Variants in KIRREL3 observed in about 807,000 individuals in gnomAD.
KIRREL3 encodes the protein kirre like nephrin family adhesion molecule 3.
Under a neutral mutation model 89.7 loss-of-function variants are expected in KIRREL3, and 36 were observed. The observed-to-expected ratio is 0.40, with a 90% CI of 0.31 to 0.53. KIRREL3 has a LOEUF of 0.53. Among genes scored for constraint, KIRREL3 ranks in the 20% least tolerant of loss-of-function variants. The pLI is 0.49. For missense variants in KIRREL3, 864 were observed against 1,056.6 expected (o/e 0.82, Z 2.53); for synonymous variants, 445 against 441.4 (o/e 1.01, Z -0.10).
rs1032239463 is a variant in KIRREL3 at position 126,965,202 on chromosome 11, C to A, written c.55+35253G>T. Among the ~76,000 whole-genome samples, 4 of 152,188 alleles carry A rather than the reference C, an allele frequency of 2.6e-5. No homozygotes were observed. Among genetic ancestry groups the A allele is most frequent in the Non-Finnish European group, 5.9e-5 (4 of 68,022 alleles). ...ACAGAACAGTGTCTTAATTAACATT[C>A]CTGGTCAAATTAATAAGTCCACTTG... On this transcript the variant is annotated intron_variant, in intron 1 of 16. Transcript: ENST00000525144. The surrounding 1 kb of genome is among the most constrained non-coding windows in gnomAD (Gnocchi z 4.4).
chr11:126,838,192 C>T (rs1943843874), intron 1 of KIRREL3, among the ~76,000 whole-genome samples: 1 of 152,160 alleles, frequency 6.6e-6, no homozygotes, highest in Non-Finnish European at 1.5e-5. Context: ...AATCAATGTG[C>T]AGAAGCAATT....
At position 126,570,039 on chromosome 11, in the gene KIRREL3, C is replaced by A. The variant is rs576403946; in HGVS notation, c.56-7127G>T. 6.6e-6 allele frequency among the ~76,000 whole-genome samples: 1 copy of A among 152,140 alleles called. No homozygotes were observed. Among genetic ancestry groups the A allele is most frequent in the Non-Finnish European group, 1.5e-5 (1 of 68,026 alleles). On this transcript the variant is annotated intron_variant, in intron 1 of 16. Transcript: ENST00000525144. This position sits in a 1 kb window ranked among gnomAD's most constrained non-coding sequence, Gnocchi z 6.1. The stretch of plus-strand genomic sequence containing the variant: ...GCAAAGATCATAATTTTCTGATCAA[C>A]CTCTATCATAAAGAGGACTGAAGAG...
Position 126,535,851 on chromosome 11 carries a change from G to C in KIRREL3, c.134-9164C>G, listed in dbSNP as rs1937817632. Reference sequence around the variant, plus strand: ...AATACAAAAATTAGCGGGACATGGTGGTGCGTGCCTGTAATCCCAGCTACT... The same window carrying C: ...AATACAAAAATTAGCGGGACATGGTCGTGCGTGCCTGTAATCCCAGCTACT... On this transcript the variant is annotated intron_variant, in intron 2 of 16. Transcript: ENST00000525144. The surrounding 1 kb of genome is among the most constrained non-coding windows in gnomAD (Gnocchi z 4.5). 6.6e-6 allele frequency among the ~76,000 whole-genome samples: 1 copy of C among 152,204 alleles called. No individual in the cohort carries two copies. Among genetic ancestry groups the C allele is most frequent in the African/African-American group, 2.4e-5 (1 of 41,452 alleles).
Position 126,429,343 on chromosome 11 carries a change from G to A in KIRREL3, c.1697-55C>T, listed in dbSNP as rs1000423891. On this transcript the variant is annotated intron_variant, in intron 14 of 16. Transcript: ENST00000525144. This position sits in a 1 kb window ranked among gnomAD's most constrained non-coding sequence, Gnocchi z 5.2. ...TAGATTTAGTTCTTACCTTTGAGATGTCAAGCTCCCTTGCAGTCCCCTGCC... is the reference window on the plus strand; with the variant it reads ...TAGATTTAGTTCTTACCTTTGAGATATCAAGCTCCCTTGCAGTCCCCTGCC... 6 of 1,315,952 alleles carry A rather than the reference G, an allele frequency of 4.6e-6. No homozygotes were observed. Among genetic ancestry groups the A allele is most frequent in the Admixed American group, 1.8e-5 (1 of 56,778 alleles). The allele number at this position is 1,315,952 out of a possible 1,614,324, so 81.5% of individuals were successfully genotyped here.
chr11:126,910,807 A>G (rs1313814137), intron 1 of KIRREL3, among the ~76,000 whole-genome samples: 1 of 152,198 alleles, frequency 6.6e-6, no homozygotes, highest in Non-Finnish European at 1.5e-5. Flanking sequence ...GTCAGGCTCC[A>G]TTCACCTGCT....
chr11:126,918,240 C>T lies in KIRREL3; in HGVS notation c.55+82215G>A, dbSNP rs1220395728. 6.6e-6 allele frequency among the ~76,000 whole-genome samples: 1 copy of T among 152,136 alleles called. No homozygotes were observed. Among genetic ancestry groups the T allele is most frequent in the Non-Finnish European group, 1.5e-5 (1 of 68,032 alleles). On this transcript the variant is annotated intron_variant, in intron 1 of 16. Transcript: ENST00000525144. The surrounding 1 kb of genome is among the most constrained non-coding windows in gnomAD (Gnocchi z 6.5). The stretch of plus-strand genomic sequence containing the variant: ...CCTCCCATGTGTGTGTCCATTTGGG[C>T]CTCAGCAACATCCCCAGATGCTGGG...
In KIRREL3 at chr11:126,995,182, C is replaced by T. The variant is rs1396819028; in HGVS notation, c.55+5273G>A. 2.2e-6 allele frequency: 1 copy of T among 455,730 alleles called. No homozygotes were observed. The highest frequency in any genetic ancestry group is 2.4e-5 in the Admixed American group (1 of 42,496). The allele number at this position is 455,730 out of a possible 1,614,324, so 28.2% of individuals were successfully genotyped here. On this transcript the variant is annotated intron_variant, in intron 1 of 16. Transcript: ENST00000525144. This position sits in a 1 kb window ranked among gnomAD's most constrained non-coding sequence, Gnocchi z 6.5. ...TATGAAATCCAAGGGAACTGTTAGC[C>T]CCCCAGAGCAGCTGCTCCCACCGAC...
At position 126,565,755 on chromosome 11, in the gene KIRREL3, G is replaced by C. The variant is rs1216601655; in HGVS notation, c.56-2843C>G. ...TGAGTGTGCCAGCAGGGAGTGAAGT[G>C]GGGGAAGGGAGGGGATGCTGGAAAC... On this transcript the variant is annotated intron_variant, in intron 1 of 16. Coordinates refer to ENST00000525144, the MANE Select transcript of KIRREL3 (RefSeq NM_032531.4). The surrounding 1 kb of genome is among the most constrained non-coding windows in gnomAD (Gnocchi z 5.4). Among the ~76,000 whole-genome samples the C allele has an allele frequency of 6.6e-6, 1 of 152,130 alleles. No homozygotes were observed. The highest frequency in any genetic ancestry group is 1.5e-5 in the Non-Finnish European group (1 of 68,016).
chr11:126,934,239 C>T (rs1403270937), intron 1 of KIRREL3, among the ~76,000 whole-genome samples: 3 of 152,132 alleles, frequency 2.0e-5, no homozygotes, highest in Non-Finnish European at 2.9e-5. Flanking sequence ...ACAAATGGTT[C>T]TGAAACAACT....
rs952004298 is a variant in KIRREL3 at position 126,712,347 on chromosome 11, C to T, written c.56-149435G>A. ...TCACTTATCAAAGCAATTCCCAAGG[C>T]GGCCTCTCTGAGTGAGGCAGGGTCT... On this transcript the variant is annotated intron_variant, in intron 1 of 16. Coordinates refer to ENST00000525144, the MANE Select transcript of KIRREL3 (RefSeq NM_032531.4). 2.5e-4 allele frequency among the ~76,000 whole-genome samples: 38 copies of T among 152,132 alleles called. 1 individual carries two copies. Among genetic ancestry groups the T allele is most frequent in the Admixed American group, 1.2e-3 (19 of 15,290 alleles).
intron 7 of KIRREL3, among the ~76,000 whole-genome samples, chr11:126,452,628 G>A (rs1266972308): frequency 6.6e-6 from 1 of 152,242 alleles, no homozygotes; most frequent in Non-Finnish European, 1.5e-5. Context: ...ATCACGGAGG[G>A]TGGAAGCCCC....
At chr11:126,949,025 T>C (rs926529270) in intron 1 of KIRREL3, among the ~76,000 whole-genome samples, 3 of 152,258 alleles carry the variant, frequency 2.0e-5, no homozygotes, top group African/African-American at 7.2e-5. Context: ...CTTTTTATAT[T>C]AATGTTTATT....
intron 1 of KIRREL3, among the ~76,000 whole-genome samples, chr11:126,862,900 G>T (rs1233142122): frequency 6.6e-6 from 1 of 152,246 alleles, no homozygotes; most frequent in Non-Finnish European, 1.5e-5. Flanking sequence ...AGCTTTGCTG[G>T]CAGTTTCTCA....
intron 1 of KIRREL3, among the ~76,000 whole-genome samples, chr11:126,863,337 G>A (rs1265795764): frequency 6.6e-6 from 1 of 152,200 alleles, no homozygotes; most frequent in Non-Finnish European, 1.5e-5. Context: ...ATGTGGGGAG[G>A]TGGGCATGGG....
At position 126,522,590 on chromosome 11, in the gene KIRREL3, G is replaced by A. The variant is rs758268520; in HGVS notation, c.284-1126C>T. Among the ~76,000 whole-genome samples the A allele has an allele frequency of 1.2e-4, 19 of 152,234 alleles. No homozygotes were observed. Among genetic ancestry groups the A allele is most frequent in the South Asian group, 2.1e-4 (1 of 4,834 alleles). On this transcript the variant is annotated intron_variant, in intron 3 of 16. Transcript: ENST00000525144. This position sits in a 1 kb window ranked among gnomAD's most constrained non-coding sequence, Gnocchi z 6.0. ...TTGAGAATATAAATCATTAATCAGC[G>A]TTCCTGCTGCTGTGTAGGGTTGAAT...
At chr11:126,792,391 GAAGTT>G (rs1381403116) in intron 1 of KIRREL3, among the ~76,000 whole-genome samples, 3 of 152,306 alleles carry the variant, frequency 2.0e-5, no homozygotes, top group African/African-American at 4.8e-5. Context: ...GTGATGCAGA[GAAGTT>G]AAGTAATTTG....
intron 1 of KIRREL3, among the ~76,000 whole-genome samples, chr11:126,616,953 T>C (rs1408702469): frequency 3.3e-5 from 5 of 152,378 alleles, no homozygotes; most frequent in Non-Finnish European, 7.3e-5. Context: ...CATAGATGTT[T>C]CAAAGACTAA....
chr11:126,727,968 C>T (rs1375464156), intron 1 of KIRREL3, among the ~76,000 whole-genome samples: 1 of 151,920 alleles, frequency 6.6e-6, no homozygotes, highest in African/African-American at 2.4e-5. Context: ...AGGGCTGTCT[C>T]GGGGGTGAGC....
rs142311036 is a variant in KIRREL3, at chr11:126,970,656, T to C, written c.55+29799A>G. ...ACCGAATTGCTAATGAATTTACTAA[T>C]GTTGTGATGGGATTTTTTCTATTAT... is the stretch of plus-strand genomic sequence containing the variant. On this transcript the variant is annotated intron_variant, in intron 1 of 16. Coordinates refer to ENST00000525144, the MANE Select transcript of KIRREL3 (RefSeq NM_032531.4). The surrounding 1 kb of genome is among the most constrained non-coding windows in gnomAD (Gnocchi z 4.4). Among the ~76,000 whole-genome samples the C allele has an allele frequency of 1.9e-3, 293 of 152,316 alleles. 1 individual carries two copies. The highest frequency in any genetic ancestry group is 6.6e-3 in the African/African-American group (276 of 41,564).
Sources: allele counts gnomAD v4.1 joint callset (sites outside exome capture counted in the v4.1 genomes callset), GRCh38; gene constraint gnomAD v4.1.1; non-coding constraint Gnocchi (gnomAD v3.1); transcripts MANE v1.5; gene names NCBI Gene and HGNC (gene_info 2026-07-23, HGNC 2026-07-21).